BEND3: variants seen among roughly 807,000 people sequenced by gnomAD.
BEND3 encodes the protein BEN domain containing 3.
Under a neutral mutation model 60.1 loss-of-function variants are expected in BEND3, and 13 were observed. The ratio of observed to expected loss-of-function variants is 0.22; its 90% CI spans 0.14 to 0.34. The LOEUF is 0.34. BEND3 is among the 10% of genes least tolerant of loss of function. The pLI is 1.00. For synonymous variants in BEND3, 497 were observed against 491.5 expected, an observed-to-expected ratio of 1.01 and a Z score of -0.15; for missense variants, 896 against 1,138.1, an observed-to-expected ratio of 0.79 and a Z score of 3.06.
intron 1 of BEND3, among the ~76,000 whole-genome samples, chr6:107,113,284 A>G (rs375082792): frequency 3.3e-5 from 5 of 151,454 alleles, no homozygotes; most frequent in Admixed American, 6.6e-5. Flanking sequence ...ACAAATACAA[A>G]CATTAGCAAG....
chr6:107,078,593 T>C (rs1775151687), intron 3 of BEND3, among the ~76,000 whole-genome samples: 1 of 148,024 alleles, frequency 6.8e-6, no homozygotes, highest in Non-Finnish European at 1.5e-5. Flanking sequence ...GTGCTGGGAT[T>C]ACAGGCGTGA....
intron 3 of BEND3, among the ~76,000 whole-genome samples, chr6:107,093,322 G>C (rs1157681166): frequency 6.6e-6 from 1 of 152,080 alleles, no homozygotes; most frequent in Non-Finnish European, 1.5e-5. Context: ...TTAGCCGGGC[G>C]TGGTGGTGGG....
At chr6:107,074,121 A>C (rs1304706944) in intron 3 of BEND3, among the ~76,000 whole-genome samples, 2 of 152,154 alleles carry the variant, frequency 1.3e-5, no homozygotes, top group Non-Finnish European at 2.9e-5. Context: ...CTAAGTGCTT[A>C]ATAAATATTT....
rs373934640 is a variant in BEND3, at chr6:107,099,034, T to C, written c.37+215A>G. On this transcript the variant is annotated intron_variant, in intron 2 of 3. Transcript: ENST00000369042. ...GTGGAAGGAGAGACATAAAATATTATCTTTTTGTGCTTTAAAAAAGTAATT... is the reference window on the plus strand; with the variant it reads ...GTGGAAGGAGAGACATAAAATATTACCTTTTTGTGCTTTAAAAAAGTAATT... Among the ~76,000 whole-genome samples the C allele has an allele frequency of 1.1e-3, 160 of 152,258 alleles. No individual in the cohort carries two copies. The highest frequency in any genetic ancestry group is 1.9e-3 in the Non-Finnish European group (128 of 68,020).
intron 3 of BEND3, among the ~76,000 whole-genome samples, chr6:107,097,590 A>G (rs1297891995): frequency 1.3e-5 from 2 of 151,912 alleles, no homozygotes; most frequent in Non-Finnish European, 2.9e-5. Flanking sequence ...CGGGAGTTCA[A>G]GACCAGCTTG....
In BEND3 at chr6:107,069,404, T is replaced by C. The variant is rs1582636967; in HGVS notation, c.1787A>G (p.Asn596Ser). The change falls in exon 4 of 4, where the codon AAC becomes AGC. Residue 596 changes from asparagine to serine, a missense_variant. Coordinates refer to ENST00000369042, the MANE Select transcript of BEND3 (RefSeq NM_001367314.1). ...CTTCTTGCCCAGGGAGCCGCTGCAG[T>C]TGTACTGCTTGCGCAGGTTCTCGTG... ...FTHENLRKQYNCSGSLGKKQL... is the reference protein window; with the variant it reads ...FTHENLRKQYSCSGSLGKKQL... 6.2e-7 allele frequency: 1 copy of C among 1,612,564 alleles called. No homozygotes were observed. Among genetic ancestry groups the C allele is most frequent in the Non-Finnish European group, 8.5e-7 (1 of 1,179,894 alleles).
At chr6:107,090,239 C>T (rs1775447153) in intron 3 of BEND3, among the ~76,000 whole-genome samples, 1 of 152,112 alleles carries the variant, frequency 6.6e-6, no homozygotes. Context: ...ATTCCAGCTT[C>T]TGGGGAGGCT....
intron 3 of BEND3, among the ~76,000 whole-genome samples, chr6:107,074,307 C>T (rs376541865): frequency 2.0e-5 from 3 of 152,104 alleles, no homozygotes; most frequent in South Asian, 4.2e-4. Context: ...CCCAGCTACT[C>T]GGGAGGCTGA....
At chr6:107,081,204 G>A (rs529008703) in intron 3 of BEND3, among the ~76,000 whole-genome samples, 19 of 151,558 alleles carry the variant, frequency 1.3e-4, no homozygotes, top group South Asian at 6.3e-4. Flanking sequence ...CACAGCGCCT[G>A]GCCTCAATTT....
At chr6:107,093,546 G>T (rs1411552877) in intron 3 of BEND3, among the ~76,000 whole-genome samples, 2 of 151,774 alleles carry the variant, frequency 1.3e-5, no homozygotes, top group Admixed American at 6.6e-5. Flanking sequence ...ATCAAGACAG[G>T]GTGGTACTGG....
At chr6:107,103,819 G>A (rs1456606598) in intron 1 of BEND3, among the ~76,000 whole-genome samples, 7 of 151,898 alleles carry the variant, frequency 4.6e-5, no homozygotes, top group East Asian at 3.9e-4. Flanking sequence ...ATGGTGGCGC[G>A]TGCCTGTAAT....
At chr6:107,080,361 AAAAAAAAAAAAAAAAAC>A (rs1244689657) in intron 3 of BEND3, among the ~76,000 whole-genome samples, 2 of 120,428 alleles carry the variant, frequency 1.7e-5, no homozygotes, top group African/African-American at 6.5e-5. Context: ...TCTCAAAAAA[AAAAAAAAAAAAAAAAAC>A]AAAAAACAGG....
intron 1 of BEND3, among the ~76,000 whole-genome samples, chr6:107,107,193 TC>T (rs1775835279): frequency 6.6e-6 from 1 of 152,072 alleles, no homozygotes; most frequent in Non-Finnish European, 1.5e-5. Flanking sequence ...CGCCTCGGCC[TC>T]CCAAAGTGCT....
intron 3 of BEND3, among the ~76,000 whole-genome samples, chr6:107,077,943 A>G (rs925032419): frequency 3.9e-5 from 6 of 152,206 alleles, no homozygotes; most frequent in African/African-American, 9.6e-5. Context: ...AAAATAAACG[A>G]AAAACCCCAG....
At chr6:107,075,385 G>A (rs1167706741) in intron 3 of BEND3, among the ~76,000 whole-genome samples, 1 of 152,144 alleles carries the variant, frequency 6.6e-6, no homozygotes, top group Non-Finnish European at 1.5e-5. Flanking sequence ...ATTCATACAG[G>A]TAAGTTGTAT....
At chr6:107,079,596 A>T (rs1775181281) in intron 3 of BEND3, among the ~76,000 whole-genome samples, 1 of 152,158 alleles carries the variant, frequency 6.6e-6, no homozygotes, top group Non-Finnish European at 1.5e-5. Context: ...GCAGTGGGGC[A>T]CTGAAGAAGC....
chr6:107,070,865 C>T lies in BEND3; in HGVS notation c.326G>A (p.Gly109Asp). 1.2e-6 allele frequency: 2 copies of T among 1,613,922 alleles called. No homozygotes were observed. The highest frequency in any genetic ancestry group is 1.1e-5 in the South Asian group (1 of 91,086). Residue 109 changes from glycine (G) to aspartate (D), a missense_variant, in exon 4 of 4, where the codon GGC becomes GAC. By Grantham distance (94) the Gly-to-Asp change is moderately conservative (BLOSUM62 -1). Coordinates refer to ENST00000369042, the MANE Select transcript of BEND3 (RefSeq NM_001367314.1). The surrounding 1 kb of genome is among the most constrained non-coding windows in gnomAD (Gnocchi z 6.9). Reference sequence around the variant, plus strand: ...CTCCTCCTCTCCAGGCCACACATTGCCCAGGCTCCTGCCCCTGCCGGCCTG... The same window carrying T: ...CTCCTCCTCTCCAGGCCACACATTGTCCAGGCTCCTGCCCCTGCCGGCCTG... ...GEQAGRGRSL[G>D]NVWPGEEEPC... is the part of the protein sequence containing the mutation.
At chr6:107,080,377 A>AAAAAAAAAAAG in intron 3 of BEND3, among the ~76,000 whole-genome samples, 1 of 136,852 alleles carries the variant, frequency 7.3e-6, no homozygotes, top group Non-Finnish European at 1.5e-5. Context: ...AAAAAAAAAA[A>AAAAAAAAAAAG]CAAAAAACAG....
At chr6:107,071,058 G>T (rs1774969997) in intron 3 of BEND3, 108 bp from the exon 4 acceptor site, 4 of 1,046,154 alleles carry the variant, frequency 3.8e-6, no homozygotes, top group Non-Finnish European at 5.4e-6. Context: ...TTGGGAGCAT[G>T]TAAGAAACTG....
Sources: allele counts gnomAD v4.1 joint callset (sites outside exome capture counted in the v4.1 genomes callset), GRCh38; gene constraint gnomAD v4.1.1; non-coding constraint Gnocchi (gnomAD v3.1); transcripts MANE v1.5; gene names NCBI Gene and HGNC (gene_info 2026-07-23, HGNC 2026-07-21).